The following ERC1 variants were observed in gnomAD, a reference collection of about 807,000 sequenced individuals.
ERC1 encodes RAB6 interacting protein 2.
A neutral mutation model predicts 132.0 loss-of-function variants in ERC1; 56 were observed. The ratio of observed to expected loss-of-function variants is 0.42; its 90% confidence interval spans 0.34 to 0.53. The LOEUF (loss-of-function observed/expected upper bound fraction) is 0.53, where lower values mean the gene tolerates loss of function less well. Ranked by LOEUF, ERC1 falls within the 20% of genes least tolerant of loss-of-function variation. The probability of loss-of-function intolerance (pLI) is 0.03; values close to 1 mark genes in which losing one functional copy is unlikely to be tolerated. For synonymous variants in ERC1, 478 were observed against 476.1 expected (o/e 1.00, Z -0.05); for missense variants, 1,202 against 1,349.9 (o/e 0.89, Z 1.72).
chr12:1,263,347 T>C (rs1017192639), intron 14 of ERC1, among the ~76,000 whole-genome samples, 182 bp downstream of exon 14: 2 of 152,218 alleles, frequency 1.3e-5, no homozygotes, highest in Admixed American at 6.5e-5. Context: ...TGGTTTCTTT[T>C]GTGTCAAGTA....
rs577480002 is a variant in ERC1, at chr12:1,165,520, A to G, written c.1738-15020A>G. ...ACGGGGTTTCACCGTGTTAGCCAAGATGGTCTTGATCTCCTGACCTCATGA... is the reference window on the plus strand; with the variant it reads ...ACGGGGTTTCACCGTGTTAGCCAAGGTGGTCTTGATCTCCTGACCTCATGA... On this transcript the variant is annotated intron_variant, in intron 8 of 18. Transcript: ENST00000360905. Among the ~76,000 whole-genome samples the G allele has an allele frequency of 1.4e-4, 22 of 152,060 alleles. No individual in the cohort carries two copies. The East Asian group carries it at 3.9e-3, about 27-fold the overall frequency.
chr12:1,004,078 T>A (rs543939283), intron 1 of ERC1, among the ~76,000 whole-genome samples: 1 of 152,170 alleles, frequency 6.6e-6, no homozygotes, highest in African/African-American at 2.4e-5. Context: ...GAGCTCCATA[T>A]AGGCCTTCCA....
intron 17 of ERC1, among the ~76,000 whole-genome samples, chr12:1,429,708 T>C (rs7957900): frequency 0.28 from 41,822 of 152,078 alleles, 10,487 homozygotes; most frequent in African/African-American, 0.67. Context: ...CAGAGAGATT[T>C]AGGGGTTCAC....
chr12:1,310,209 T>TTTTGTTTTGTTTTGTTTTGTTTTG (rs1566554198), intron 15 of ERC1, among the ~76,000 whole-genome samples: 2 of 151,320 alleles, frequency 1.3e-5, no homozygotes, highest in African/African-American at 4.8e-5. Context: ...AAACAGTTCT[T>TTTTGTTTTGTTTTGTTTTGTTTTG]TTTTATTTTA....
chr12:1,289,730 G>T, intron 14 of ERC1, 122 bp from the exon 15 acceptor site: 1 of 687,804 alleles, frequency 1.5e-6, no homozygotes. Flanking sequence ...AAAGAGTACA[G>T]AATTTTCAAT....
chr12:1,322,407 G>A lies in ERC1; in HGVS notation c.2780+32395G>A, dbSNP rs1026705556. On this transcript the variant is annotated intron_variant, in intron 15 of 18. Transcript: ENST00000360905. ...GAACTGAGACTGGATCCATCACTTT[G>A]ATTACAGCTAGATTCTTTCCATTAT... 2.0e-5 allele frequency among the ~76,000 whole-genome samples: 3 copies of A among 152,086 alleles called. No individual in the cohort carries two copies. The East Asian group carries it at 5.8e-4, about 29-fold the overall frequency.
At chr12:1,459,826 G>A (rs1400809330) in intron 18 of ERC1, among the ~76,000 whole-genome samples, 1 of 152,226 alleles carries the variant, frequency 6.6e-6, no homozygotes, top group African/African-American at 2.4e-5. Flanking sequence ...ACGTCAATGT[G>A]TGCCTCTTCA....
intron 12 of ERC1, chr12:1,204,423 A>G: frequency 8.1e-7 from 1 of 1,241,190 alleles, no homozygotes; most frequent in Non-Finnish European, 1.1e-6. Flanking sequence ...CATGAATAAT[A>G]TTTCTGAATA....
In ERC1 at chr12:1,400,728, C is replaced by A. The variant is rs566115196; in HGVS notation, c.2926-7421C>A. Among the ~76,000 whole-genome samples, 10 of 152,080 alleles carry A rather than the reference C, an allele frequency of 6.6e-5. No homozygotes were observed. The South Asian group carries it at 1.5e-3, about 22-fold the overall frequency. ...TTGTCTTGGTACCCTTACTGGAAAT[C>A]AGTTGACCATAAAAAAATGATGATT... On this transcript the variant is annotated intron_variant, in intron 16 of 18. Transcript: ENST00000360905.
chr12:1,441,407 G>A (rs958505833), intron 17 of ERC1, among the ~76,000 whole-genome samples: 16 of 152,324 alleles, frequency 1.1e-4, no homozygotes, highest in South Asian at 8.3e-4. Context: ...GTCAGCATCC[G>A]CAGTCATAGT....
At chr12:1,215,977 C>G (rs1227280633) in intron 12 of ERC1, among the ~76,000 whole-genome samples, 1 of 152,104 alleles carries the variant, frequency 6.6e-6, no homozygotes, top group East Asian at 1.9e-4. Context: ...TAAATTAAGT[C>G]ATGTTTTACA....
intron 1 of ERC1, among the ~76,000 whole-genome samples, chr12:1,019,681 G>T (rs1345018106): frequency 1.3e-5 from 2 of 152,162 alleles, no homozygotes; most frequent in East Asian, 3.9e-4. Context: ...CACTGGTGTT[G>T]AGAATTGTTT....
At chr12:1,135,643 T>TATAAAG (rs1195051060) in intron 7 of ERC1, among the ~76,000 whole-genome samples, 4 of 152,102 alleles carry the variant, frequency 2.6e-5, no homozygotes, top group Non-Finnish European at 5.9e-5. Flanking sequence ...AGAGAGGACA[T>TATAAAG]ATAAAGATAC....
chr12:1,251,334 A>G (rs1293593073), intron 13 of ERC1, among the ~76,000 whole-genome samples: 1 of 152,104 alleles, frequency 6.6e-6, no homozygotes, highest in Non-Finnish European at 1.5e-5. Flanking sequence ...CTGTTTCTAG[A>G]ACTTTTCCTT....
At chr12:1,452,955 G>A (rs115551421) in intron 18 of ERC1, among the ~76,000 whole-genome samples, 7 of 152,246 alleles carry the variant, frequency 4.6e-5, no homozygotes, top group East Asian at 1.9e-4. Flanking sequence ...ACTTTCATAC[G>A]TTTAATGTGA....
At position 1,204,449 on chromosome 12, in the gene ERC1, C is replaced by A; in HGVS notation, c.2351+14397C>A. On this transcript the variant is annotated intron_variant, in intron 12 of 18. Transcript: ENST00000360905. ...TTTCTGAATATTGTCCTTATTAATTCTTTCTAACTTTCTTTTTCACATTTT... is the reference window on the plus strand; with the variant it reads ...TTTCTGAATATTGTCCTTATTAATTATTTCTAACTTTCTTTTTCACATTTT... 3.4e-6 allele frequency: 5 copies of A among 1,488,634 alleles called. No homozygotes were observed. The Admixed American group carries it at 5.6e-5, about 17-fold the overall frequency. 92.2% of individuals were successfully genotyped at this position (1,488,634 alleles called of 1,614,324 possible). A position where few individuals can be genotyped will look rare whatever the true frequency, so the allele number is the denominator to read the frequency against.
chr12:1,019,695 A>G (rs1351549566), intron 1 of ERC1, among the ~76,000 whole-genome samples: 1 of 152,078 alleles, frequency 6.6e-6, no homozygotes, highest in African/African-American at 2.4e-5. Flanking sequence ...ATTGTTTAGA[A>G]CCTATAAAAA....
At chr12:1,048,525 A>G (rs1276353209) in intron 2 of ERC1, among the ~76,000 whole-genome samples, 1 of 152,202 alleles carries the variant, frequency 6.6e-6, no homozygotes, top group Non-Finnish European at 1.5e-5. Context: ...TGCTGCTGGC[A>G]TTTATGGCAG....
chr12:1,424,844 T>TAGATGATA (rs745570432), intron 17 of ERC1, among the ~76,000 whole-genome samples: 24 of 75,688 alleles, frequency 3.2e-4, no homozygotes, highest in African/African-American at 9.0e-4. Context: ...GATAGATAGA[T>TAGATGATA]GATAGATAGA....
Sources: allele counts gnomAD v4.1 joint callset (sites outside exome capture counted in the v4.1 genomes callset), GRCh38; gene constraint gnomAD v4.1.1; transcripts MANE v1.5; gene names NCBI Gene and HGNC (gene_info 2026-07-23, HGNC 2026-07-21).